Variants in NPAS2 observed in about 807,000 individuals in gnomAD.
The protein encoded by NPAS2 is neuronal PAS domain-containing protein 2.
A neutral mutation model predicts 107.5 loss-of-function variants in NPAS2; 23 were observed. The observed-to-expected ratio is 0.21, with a 90% confidence interval of 0.15 to 0.30. The LOEUF (loss-of-function observed/expected upper bound fraction) is 0.30. Among genes scored for constraint, NPAS2 ranks in the 10% least tolerant of loss-of-function variants. The pLI, the probability that NPAS2 is intolerant of heterozygous loss-of-function variation, is 1.00. For synonymous variants in NPAS2, 403 were observed against 417.5 expected, an observed-to-expected ratio of 0.97 and a Z score of 0.42; for missense variants, 756 against 1,043.3, an observed-to-expected ratio of 0.72 and a Z score of 3.79.
intron 1 of NPAS2, among the ~76,000 whole-genome samples, chr2:100,838,253 G>A (rs1451658248): frequency 6.6e-6 from 1 of 150,562 alleles, no homozygotes; most frequent in East Asian, 1.9e-4. Flanking sequence ...ATGAATATGT[G>A]TGCTGATTTA....
At chr2:100,904,852 C>T in intron 2 of NPAS2, 66 bp downstream of exon 2, 1 of 1,212,298 alleles carries the variant, frequency 8.2e-7, no homozygotes, top group Non-Finnish European at 1.2e-6. Context: ...CTGGCAGAAT[C>T]TCGCTGGCTT....
intron 2 of NPAS2, among the ~76,000 whole-genome samples, chr2:100,907,222 T>C (rs1373138106): frequency 6.6e-6 from 1 of 152,052 alleles, no homozygotes; most frequent in Non-Finnish European, 1.5e-5. Context: ...AATATAGACA[T>C]GCCAAAAAAA....
At position 100,971,023 on chromosome 2, in the gene NPAS2, G is replaced by A. The variant is rs372314126; in HGVS notation, c.1089G>A (p.Glu363=). ...YADVRVERRQ[E]LALEDPPSEA... ...ATGTCCGGGTGGAAAGGAGGCAGGA[G>A]CTGGCTCTGGAAGACCCGCCATCCG... Residue 363 remains glutamate, a synonymous_variant, in exon 12 of 21, where the codon GAG becomes GAA. Transcript: ENST00000335681. 260 of 1,614,062 alleles carry A rather than the reference G, an allele frequency of 1.6e-4. No individual in the cohort carries two copies. The highest frequency in any genetic ancestry group is 2.2e-4 in the Non-Finnish European group (255 of 1,180,046).
rs755619536 is a variant in NPAS2, at chr2:100,988,121, A to G, written c.1672A>G (p.Thr558Ala). Residue 558 changes from threonine (T) to alanine (A), a missense_variant, in exon 17 of 21, where the codon ACC becomes GCC. Physicochemically the swap from Thr to Ala is moderately conservative, Grantham distance 58. Around this residue, in one of 4 missense-constraint regions of NPAS2, gnomAD observed 496 missense variants for 594.4 expected, o/e 0.83. Transcript: ENST00000335681. ...AGCTGTATCCCTGAGCTTCAGCAGC[A>G]CCCAGCGACCTGAGGCTCAGCAGCA... Reference protein sequence around the residue: ...QPAVSLSFSSTQRPEAQQQLQ... With the variant: ...QPAVSLSFSSAQRPEAQQQLQ... 8 of 1,614,074 alleles carry G rather than the reference A, an allele frequency of 5.0e-6. No homozygotes were observed. Among genetic ancestry groups the G allele is most frequent in the Non-Finnish European group, 6.8e-6 (8 of 1,180,026 alleles).
chr2:100,918,435 A>C (rs1172447724), intron 2 of NPAS2, among the ~76,000 whole-genome samples: 1 of 152,198 alleles, frequency 6.6e-6, no homozygotes. Flanking sequence ...CTCACTCTGT[A>C]AGTTACTATT....
At position 100,820,285 on chromosome 2, in the gene NPAS2, G is replaced by T; in HGVS notation, c.-152G>T. 7.0e-6 allele frequency: 1 copy of T among 143,018 alleles called. No individual in the cohort carries two copies. The highest frequency in any genetic ancestry group is 1.9e-4 in the South Asian group (1 of 5,184). The allele number at this position is 143,018 out of a possible 1,614,324, so 8.9% of individuals were successfully genotyped here. On this transcript the variant is annotated 5_prime_UTR_variant, in exon 1 of 21. Transcript: ENST00000335681. This position sits in a 1 kb window ranked among gnomAD's most constrained non-coding sequence, Gnocchi z 5.6. ...CGGCGGCGGCAGCAGCTAGAGCAGCGCCTCCCGCCGCCGCCCGGGAGGAGC... is the reference window on the plus strand; with the variant it reads ...CGGCGGCGGCAGCAGCTAGAGCAGCTCCTCCCGCCGCCGCCCGGGAGGAGC...
intron 1 of NPAS2, among the ~76,000 whole-genome samples, chr2:100,883,624 C>T (rs1211351505): frequency 6.6e-6 from 1 of 152,092 alleles, no homozygotes; most frequent in Non-Finnish European, 1.5e-5. Context: ...TCCCAGTCTC[C>T]ATAGGTTCTT....
chr2:100,970,361 C>T (rs996975916), intron 11 of NPAS2, among the ~76,000 whole-genome samples: 2 of 152,214 alleles, frequency 1.3e-5, no homozygotes, highest in African/African-American at 2.4e-5. Flanking sequence ...AGGTGGCAGG[C>T]GTTCCGGAGG....
chr2:100,926,543 T>G (rs1450816374), intron 3 of NPAS2, among the ~76,000 whole-genome samples: 1 of 152,216 alleles, frequency 6.6e-6, no homozygotes, highest in Admixed American at 6.5e-5. Context: ...ACTGATCATG[T>G]TTTCCTTTTC....
chr2:100,908,576 C>A (rs1682321144), intron 2 of NPAS2, among the ~76,000 whole-genome samples: 1 of 152,172 alleles, frequency 6.6e-6, no homozygotes, highest in Non-Finnish European at 1.5e-5. Flanking sequence ...AAAATAAGTT[C>A]TGATAGGAAT....
intron 7 of NPAS2, among the ~76,000 whole-genome samples, chr2:100,954,439 C>G (rs1438668869): frequency 6.6e-6 from 1 of 152,038 alleles, no homozygotes; most frequent in Non-Finnish European, 1.5e-5. Context: ...CAGAGGCGGG[C>G]AGATTGCCTG....
Position 100,968,481 on chromosome 2 carries a change from G to C in NPAS2, c.1055+53G>C. The C allele has an allele frequency of 6.3e-7, 1 of 1,579,854 alleles. No homozygotes were observed. The highest frequency in any genetic ancestry group is 8.6e-7 in the Non-Finnish European group (1 of 1,157,398). On this transcript the variant is annotated intron_variant, in intron 11 of 20. Coordinates refer to ENST00000335681, the MANE Select transcript of NPAS2 (RefSeq NM_002518.4). This position sits in a 1 kb window ranked among gnomAD's most constrained non-coding sequence, Gnocchi z 5.3. ...GCGTCCTTGTCGCACCTGGGGGAGG[G>C]GTGCAGGATGGCGTGGCCCCTGATG... is the stretch of plus-strand genomic sequence containing the variant.
chr2:100,880,440 T>C (rs1165810637), intron 1 of NPAS2, among the ~76,000 whole-genome samples: 1 of 152,204 alleles, frequency 6.6e-6, no homozygotes, highest in Non-Finnish European at 1.5e-5. Flanking sequence ...TATAGGAATA[T>C]TATTCAGTCT....
chr2:100,951,711 G>T (rs536949857), intron 7 of NPAS2, among the ~76,000 whole-genome samples: 2 of 152,284 alleles, frequency 1.3e-5, no homozygotes, highest in African/African-American at 4.8e-5. Flanking sequence ...TGGGGACAGA[G>T]TTTCAGTTTT....
chr2:100,890,748 A>G (rs1326050322), intron 1 of NPAS2, among the ~76,000 whole-genome samples: 1 of 152,124 alleles, frequency 6.6e-6, no homozygotes, highest in Non-Finnish European at 1.5e-5. Flanking sequence ...CTAATACATC[A>G]TAAGAGAGTC....
At chr2:100,991,015 G>A in intron 19 of NPAS2, 143 bp downstream of exon 19, 1 of 690,284 alleles carries the variant, frequency 1.4e-6, no homozygotes. Context: ...CTGTGAAGGG[G>A]ACGCTGCCCC....
chr2:100,931,159 C>T (rs1166437295), intron 3 of NPAS2, among the ~76,000 whole-genome samples: 1 of 152,140 alleles, frequency 6.6e-6, no homozygotes, highest in African/African-American at 2.4e-5. Flanking sequence ...ATATGAGGCC[C>T]GACACTGGAC....
At position 100,976,671 on chromosome 2, in the gene NPAS2, G is replaced by A. The variant is rs778760314; in HGVS notation, c.1393-1039G>A. 6.6e-6 allele frequency: 1 copy of A among 152,040 alleles called. No homozygotes were observed. The highest frequency in any genetic ancestry group is 1.5e-5 in the Non-Finnish European group (1 of 68,022). The allele number at this position is 152,040 out of a possible 1,614,324, so 9.4% of individuals were successfully genotyped here. The stretch of plus-strand genomic sequence containing the variant: ...TGCACACCCTGCTTGAGAAGCTTGG[G>A]CGATGCGTTTTATTTTCAAGTAGAA... On this transcript the variant is annotated intron_variant, in intron 14 of 20. Coordinates refer to ENST00000335681, the MANE Select transcript of NPAS2 (RefSeq NM_002518.4). The surrounding 1 kb of genome is among the most constrained non-coding windows in gnomAD (Gnocchi z 4.1).
At chr2:100,834,279 G>GGCCAC (rs1485930384) in intron 1 of NPAS2, among the ~76,000 whole-genome samples, 1 of 152,102 alleles carries the variant, frequency 6.6e-6, no homozygotes, top group African/African-American at 2.4e-5. Context: ...GTTTTGGGAG[G>GGCCAC]GCCACGCCAC....
Sources: allele counts gnomAD v4.1 joint callset (sites outside exome capture counted in the v4.1 genomes callset), GRCh38; gene constraint gnomAD v4.1.1; regional missense constraint gnomAD v4.1.1; non-coding constraint Gnocchi (gnomAD v3.1); transcripts MANE v1.5; gene names NCBI Gene and HGNC (gene_info 2026-07-23, HGNC 2026-07-21).